The following KLHL4 variants were observed in gnomAD, a reference collection of about 807,000 sequenced individuals.
The protein encoded by KLHL4 is kelch-like protein 4.
KLHL4 carries 17 observed loss-of-function variants against 45.8 expected under a neutral mutation model. The observed-to-expected ratio is 0.37, with a 90% confidence interval of 0.25 to 0.56. The LOEUF is 0.56. KLHL4 is among the 20% of genes least tolerant of loss of function. The pLI, the probability that KLHL4 is intolerant of heterozygous loss-of-function variation, is 0.79. For missense variants in KLHL4, 544 were observed against 544.9 expected, an observed-to-expected ratio of 1.00 and a Z score of 0.02; for synonymous variants, 224 against 189.9, an observed-to-expected ratio of 1.18 and a Z score of -1.47.
intron 10 of KLHL4, among the ~76,000 whole-genome samples, chrX:87,665,994 T>C (rs1056038691): frequency 1.8e-5 from 2 of 111,734 alleles, no homozygotes; most frequent in African/African-American, 6.5e-5. Flanking sequence ...AATCAAGATG[T>C]TTGACCAGCT....
chrX:87,566,512 A>G (rs190198494), intron 1 of KLHL4, among the ~76,000 whole-genome samples: 37 of 111,907 alleles, frequency 3.3e-4, no homozygotes, highest in African/African-American at 1.2e-3. Context: ...ATCATCTAAC[A>G]TTAAGCCTAT....
intron 9 of KLHL4, among the ~76,000 whole-genome samples, chrX:87,636,017 A>T (rs781226567): frequency 3.1e-4 from 34 of 111,064 alleles, no homozygotes; most frequent in African/African-American, 1.1e-3. Flanking sequence ...TTTAATTTTA[A>T]TTTTTTATTT....
intron 7 of KLHL4, 29 bp from the exon 8 acceptor site, chrX:87,633,720 G>A (rs1263717410): frequency 2.2e-5 from 25 of 1,128,343 alleles, no homozygotes; most frequent in Non-Finnish European, 2.8e-5. Context: ...ATACCTAGGT[G>A]AACCCACATA....
chrX:87,631,736 AAC>A (rs891279454), intron 6 of KLHL4, among the ~76,000 whole-genome samples: 10 of 111,363 alleles, frequency 9.0e-5, no homozygotes, highest in Non-Finnish European at 1.3e-4. Flanking sequence ...CTTTTAAATA[AAC>A]ACACACACAC....
intron 4 of KLHL4, among the ~76,000 whole-genome samples, chrX:87,618,346 G>A (rs1021193898): frequency 1.8e-5 from 2 of 111,254 alleles, no homozygotes; most frequent in Non-Finnish European, 3.8e-5. Flanking sequence ...TAAAAATACT[G>A]CCAAAAAATA....
At chrX:87,562,710 CAT>C (rs1268157155) in intron 1 of KLHL4, among the ~76,000 whole-genome samples, 5 of 110,154 alleles carry the variant, frequency 4.5e-5, no homozygotes, top group African/African-American at 6.6e-5. Context: ...AAGGGAAAGA[CAT>C]ATGCCTGGCA....
At chrX:87,645,255 A>G (rs1043514437) in intron 9 of KLHL4, among the ~76,000 whole-genome samples, 1 of 111,986 alleles carries the variant, frequency 8.9e-6, no homozygotes, top group African/African-American at 3.2e-5. Flanking sequence ...TGAATAAACA[A>G]TTCTCAAAAG....
intron 7 of KLHL4, 125 bp downstream of exon 7, chrX:87,632,559 A>T: frequency 2.3e-6 from 1 of 439,217 alleles, no homozygotes; most frequent in Non-Finnish European, 3.8e-6. Flanking sequence ...AAAATGATGA[A>T]AAACTTAAGG....
In KLHL4 at chrX:87,616,990, G is replaced by A. The variant is rs191805536; in HGVS notation, c.728-942G>A. Among the ~76,000 whole-genome samples, 303 of 111,624 alleles carry A rather than the reference G, an allele frequency of 2.7e-3. 3 individuals are homozygous for A. Among genetic ancestry groups the A allele is most frequent in the Non-Finnish European group, 4.8e-3 (255 of 53,002 alleles). On this transcript the variant is annotated intron_variant, in intron 3 of 10. Coordinates refer to ENST00000373119, the MANE Select transcript of KLHL4 (RefSeq NM_019117.5). ...TATTTTAGAAGGGAAAACTTTAGGG[G>A]AATAGTTTGTAATTGATATCAGCCA... is the stretch of plus-strand genomic sequence containing the variant.
intron 1 of KLHL4, among the ~76,000 whole-genome samples, chrX:87,547,319 C>T (rs1190388593): frequency 9.0e-6 from 1 of 111,119 alleles, no homozygotes; most frequent in Non-Finnish European, 1.9e-5. Flanking sequence ...TCCCCCTTTG[C>T]TTCTTAAACG....
rs1473613764 is a variant in KLHL4, at chrX:87,669,118, C to A, written c.*2584C>A. 1.0e-6 allele frequency: 1 copy of A among 982,208 alleles called. No individual in the cohort carries two copies. Among genetic ancestry groups the A allele is most frequent in the Admixed American group, 5.0e-5 (1 of 20,021 alleles). The allele number at this position is 982,208 out of a possible 1,213,427, so 80.9% of individuals were successfully genotyped here. A position where few individuals can be genotyped will look rare whatever the true frequency, so the allele number is the denominator to read the frequency against. On this transcript the variant is annotated 3_prime_UTR_variant, in exon 11 of 11. Coordinates refer to ENST00000373119, the MANE Select transcript of KLHL4 (RefSeq NM_019117.5). Reference sequence around the variant, plus strand: ...GATAACTTATCAGGGCTAGTTTAAACAAATGTGTATAGGAAAGGATGTTAT... The same window carrying A: ...GATAACTTATCAGGGCTAGTTTAAAAAAATGTGTATAGGAAAGGATGTTAT...
intron 9 of KLHL4, among the ~76,000 whole-genome samples, chrX:87,661,384 A>G (rs754436537): frequency 8.9e-6 from 1 of 111,757 alleles, no homozygotes; most frequent in South Asian, 3.7e-4. Flanking sequence ...TAATTAAATA[A>G]TCATTTTTAT....
At chrX:87,639,535 A>G (rs1180490030) in intron 9 of KLHL4, among the ~76,000 whole-genome samples, 3 of 111,740 alleles carry the variant, frequency 2.7e-5, no homozygotes, top group African/African-American at 9.8e-5. Flanking sequence ...GTCTAATAAA[A>G]TTGGAAATCA....
At chrX:87,648,658 A>AT (rs201558023) in intron 9 of KLHL4, among the ~76,000 whole-genome samples, 3 of 101,868 alleles carry the variant, frequency 2.9e-5, no homozygotes, top group Non-Finnish European at 5.7e-5. Context: ...GATGAATATT[A>AT]TTTTTTTTCT....
intron 1 of KLHL4, among the ~76,000 whole-genome samples, chrX:87,570,154 G>C (rs2147789444): frequency 9.0e-6 from 1 of 111,162 alleles, no homozygotes; most frequent in African/African-American, 3.2e-5. Context: ...TACAAAAACA[G>C]AATATCATAA....
chrX:87,598,181 T>A (rs1349105674), intron 1 of KLHL4, among the ~76,000 whole-genome samples: 2 of 111,067 alleles, frequency 1.8e-5, no homozygotes, highest in East Asian at 5.6e-4. Flanking sequence ...AATTTCAACC[T>A]ATTATTCTCT....
chrX:87,525,189 T>C (rs1457081645), intron 1 of KLHL4, among the ~76,000 whole-genome samples: 1 of 112,065 alleles, frequency 8.9e-6, no homozygotes. Context: ...ATATCAATTT[T>C]AAGGCTGTAG....
At chrX:87,548,734 G>A (rs1302413024) in intron 1 of KLHL4, among the ~76,000 whole-genome samples, 1 of 108,432 alleles carries the variant, frequency 9.2e-6, no homozygotes, top group Non-Finnish European at 1.9e-5. Flanking sequence ...ATATTAACAA[G>A]TCTCATGGTA....
intron 3 of KLHL4, among the ~76,000 whole-genome samples, chrX:87,616,449 A>C (rs891322138): frequency 5.4e-5 from 6 of 111,956 alleles, no homozygotes; most frequent in Admixed American, 3.8e-4. Context: ...AATGGAAAGA[A>C]CTTTATTTCT....
Sources: gnomAD v4.1 joint callset for allele counts (sites outside exome capture counted in the v4.1 genomes callset) on GRCh38, gnomAD v4.1.1 for gene constraint, MANE v1.5 for transcripts, NCBI Gene and HGNC (gene_info 2026-07-23, HGNC 2026-07-21) for gene names.